Variants in TUSC3 observed in about 807,000 individuals in gnomAD.
TUSC3 encodes the protein tumor suppressor candidate 3.
TUSC3 carries 45 observed loss-of-function variants against 44.8 expected under a neutral mutation model. The ratio of observed to expected loss-of-function variants is 1.00; its 90% confidence interval spans 0.79 to 1.29. The LOEUF (loss-of-function observed/expected upper bound fraction) is 1.29, where lower values mean the gene tolerates loss of function less well. TUSC3 is among the 50% of genes most tolerant of loss of function. The pLI, the probability that TUSC3 is intolerant of heterozygous loss-of-function variation, is 0.00. For synonymous variants in TUSC3, 212 were observed against 152.9 expected, an observed-to-expected ratio of 1.39 and a Z score of -2.85; for missense variants, 519 against 437.9, an observed-to-expected ratio of 1.19 and a Z score of -1.65.
At chr8:15,802,703 C>T in the TUSC3 span, among the ~76,000 whole-genome samples, 6,838 of 151,086 alleles carry the variant, frequency 0.045, 181 homozygotes, top group East Asian at 0.067. Flanking sequence ...CCCTACTGGT[C>T]ATATAGTCCA....
At chr8:15,726,807 A>T (rs13272035) in intron 6 of TUSC3, among the ~76,000 whole-genome samples, 31,112 of 152,154 alleles carry the variant, frequency 0.2, 4,106 homozygotes, top group Non-Finnish European at 0.3. Flanking sequence ...ACTTTGTCTC[A>T]AAAACAAAAG....
chr8:15,430,521 C>T (rs1031517885), intron 1 of TUSC3, among the ~76,000 whole-genome samples: 39 of 150,738 alleles, frequency 2.6e-4, no homozygotes, highest in Non-Finnish European at 4.7e-4. Flanking sequence ...CAGCCAATAT[C>T]GTACTGAATG....
At chr8:15,511,149 A>G (rs550281645) in intron 2 of TUSC3, among the ~76,000 whole-genome samples, 30 of 152,292 alleles carry the variant, frequency 2.0e-4, no homozygotes, top group Admixed American at 2.0e-3. Flanking sequence ...GAAAACATGA[A>G]TGCTTTCTCC....
chr8:15,483,649 A>ATTTTTTTTTTTTTTTTTTT lies in TUSC3; in HGVS notation n.189+172_189+190dup, dbSNP rs60092911. ...CCGTCGTGCCCAGCCTAGCACTGTG[A>ATTTTTTTTTTTTTTTTTTT]TTTTTTTTTTTTTTTTTTTTTTTTG... On this transcript the variant is annotated intron_variant and non_coding_transcript_variant, in intron 2 of 5. Transcript: ENST00000503191. 7.7e-4 allele frequency among the ~76,000 whole-genome samples: 51 copies of ATTTTTTTTTTTTTTTTTTT among 66,156 alleles called. 7 individuals carry two copies. The highest frequency in any genetic ancestry group is 1.3e-3 in the East Asian group (2 of 1,488). The allele number at this position is 66,156 out of a possible 152,430, so 43.4% of individuals were successfully genotyped here. A position where few individuals can be genotyped will look rare whatever the true frequency, so the allele number is the denominator to read the frequency against.
At chr8:15,508,523 G>C (rs1462941586) in intron 2 of TUSC3, among the ~76,000 whole-genome samples, 1 of 136,522 alleles carries the variant, frequency 7.3e-6, no homozygotes, top group Non-Finnish European at 1.5e-5. Flanking sequence ...GTGCAGTGGC[G>C]CCATCTCGGC....
At chr8:15,712,185 G>C (rs1037682042) in intron 6 of TUSC3, among the ~76,000 whole-genome samples, 2 of 151,830 alleles carry the variant, frequency 1.3e-5, no homozygotes, top group African/African-American at 4.8e-5. Context: ...TAAGATTAGA[G>C]GCTCTTAGAG....
chr8:15,612,162 A>G (rs1804790759), intron 1 of TUSC3, among the ~76,000 whole-genome samples: 1 of 152,150 alleles, frequency 6.6e-6, no homozygotes, highest in Admixed American at 6.5e-5. Context: ...TATTATGGCT[A>G]TTTTGATGAG....
At chr8:15,622,458 A>C (rs1441592132) in intron 1 of TUSC3, among the ~76,000 whole-genome samples, 1 of 152,212 alleles carries the variant, frequency 6.6e-6, no homozygotes, top group South Asian at 2.1e-4. Context: ...TACAGAAGCT[A>C]CAGTGCTGTC....
intron 3 of TUSC3, among the ~76,000 whole-genome samples, chr8:15,654,720 C>A (rs535397301): frequency 6.6e-6 from 1 of 152,126 alleles, no homozygotes; most frequent in East Asian, 1.9e-4. Context: ...TTGCTTGAAC[C>A]CAGGATATTG....
intron 2 of TUSC3, among the ~76,000 whole-genome samples, chr8:15,519,620 C>G (rs947151389): frequency 2.0e-5 from 3 of 152,118 alleles, no homozygotes; most frequent in East Asian, 1.9e-4. Context: ...TTATGAGAAT[C>G]TAATGCCTGA....
At chr8:15,792,678 C>T in the TUSC3 span, among the ~76,000 whole-genome samples, 18 of 151,954 alleles carry the variant, frequency 1.2e-4, no homozygotes, top group South Asian at 2.1e-4. Context: ...TGCAGTGGTG[C>T]GATCTCAACC....
At chr8:15,425,183 G>T (rs1296681283) in intron 1 of TUSC3, among the ~76,000 whole-genome samples, 1 of 152,172 alleles carries the variant, frequency 6.6e-6, no homozygotes, top group Non-Finnish European at 1.5e-5. Context: ...ATTAAATGAA[G>T]TAGTCAAGTT....
intron 1 of TUSC3, among the ~76,000 whole-genome samples, chr8:15,473,038 A>G (rs537904945): frequency 6.6e-6 from 1 of 152,306 alleles, no homozygotes; most frequent in African/African-American, 2.4e-5. Flanking sequence ...CCTTAACAAT[A>G]TATGCTGCCT....
the TUSC3 span, chr8:15,806,758 G>T: frequency 2.6e-6 from 2 of 781,466 alleles, no homozygotes; most frequent in Non-Finnish European, 2.2e-6. Context: ...GCATTACAGA[G>T]CCACCTGCAT....
At chr8:15,693,624 T>C (rs147221750) in intron 6 of TUSC3, among the ~76,000 whole-genome samples, 2 of 151,906 alleles carry the variant, frequency 1.3e-5, no homozygotes, top group African/African-American at 4.8e-5. Flanking sequence ...TCATGTGTCT[T>C]GGGATGGTCA....
At chr8:15,575,635 C>T (rs928547711) in intron 1 of TUSC3, among the ~76,000 whole-genome samples, 2 of 151,942 alleles carry the variant, frequency 1.3e-5, no homozygotes, top group Admixed American at 6.6e-5. Flanking sequence ...AGAATGGTGG[C>T]GGGCATCTAT....
At chr8:15,625,951 C>T (rs1293276126) in intron 2 of TUSC3, among the ~76,000 whole-genome samples, 3 of 152,238 alleles carry the variant, frequency 2.0e-5, no homozygotes, top group Non-Finnish European at 4.4e-5. Flanking sequence ...TGGGCTAGCA[C>T]ATAAGGATAG....
chr8:15,605,669 A>G (rs989791364), intron 1 of TUSC3, among the ~76,000 whole-genome samples: 5 of 151,916 alleles, frequency 3.3e-5, no homozygotes, highest in African/African-American at 7.2e-5. Context: ...ATACTAGTCT[A>G]TTTTCATCGT....
At chr8:15,591,213 C>T (rs887520419) in intron 1 of TUSC3, among the ~76,000 whole-genome samples, 1 of 151,982 alleles carries the variant, frequency 6.6e-6, no homozygotes. Context: ...TCAGCTTAAT[C>T]ATTTGGGGTT....
Sources: gnomAD v4.1 joint callset for allele counts (sites outside exome capture counted in the v4.1 genomes callset) on GRCh38, gnomAD v4.1.1 for gene constraint, MANE v1.5 for transcripts, NCBI Gene and HGNC (gene_info 2026-07-23, HGNC 2026-07-21) for gene names.